The following ASIC5 variants were observed in gnomAD, a reference collection of about 807,000 sequenced individuals.
ASIC5 encodes bile acid-sensitive ion channel.
A neutral mutation model predicts 51.2 loss-of-function variants in ASIC5; 52 were observed. That is an observed-to-expected ratio of 1.02 (90% CI 0.81 to 1.28). ASIC5 has a LOEUF of 1.28. Among genes scored for constraint, ASIC5 ranks in the 50% most tolerant of loss-of-function variants. The pLI is 0.00. For synonymous variants in ASIC5, 231 were observed against 200.7 expected (o/e 1.15, Z -1.28); for missense variants, 635 against 595.0 (o/e 1.07, Z -0.70).
chr4:155,845,082 C>T (rs1395757899), intron 4 of ASIC5, among the ~76,000 whole-genome samples: 2 of 151,638 alleles, frequency 1.3e-5, no homozygotes, highest in African/African-American at 2.4e-5. Flanking sequence ...GGAAAGAAAA[C>T]AGCAATCAAG....
chr4:155,849,539 AT>A (rs2111250302), intron 4 of ASIC5, among the ~76,000 whole-genome samples: 1 of 152,204 alleles, frequency 6.6e-6, no homozygotes, highest in East Asian at 1.9e-4. Flanking sequence ...GTCCTAATTA[AT>A]CCTTTAGTTA....
intron 6 of ASIC5, among the ~76,000 whole-genome samples, chr4:155,839,538 C>T (rs1741070062): frequency 6.6e-6 from 1 of 152,230 alleles, no homozygotes; most frequent in South Asian, 2.1e-4. Context: ...AAGACTTAGT[C>T]TTTTAGCCTT....
intron 4 of ASIC5, 136 bp downstream of exon 4, chr4:155,852,055 G>T (rs113630202): frequency 1.0e-6 from 1 of 976,654 alleles, no homozygotes; most frequent in East Asian, 2.8e-5. Context: ...AAATCCATAG[G>T]AGTCTAGACT....
chr4:155,861,327 C>T (rs1741700472), intron 2 of ASIC5, among the ~76,000 whole-genome samples: 1 of 151,882 alleles, frequency 6.6e-6, no homozygotes, highest in African/African-American at 2.4e-5. Flanking sequence ...TATTCTCTGT[C>T]AAGTTGTTCT....
rs140366498 is a variant in ASIC5, at chr4:155,854,025, C to G, written c.585+52G>C. The stretch of plus-strand genomic sequence containing the variant: ...CGTGGGAGCTCAATGTGAAACAGTG[C>G]AGTAACGGAACTTATTACTTTGATT... On this transcript the variant is annotated intron_variant, in intron 3 of 9. Transcript: ENST00000537611. 10 of 1,334,418 alleles carry G rather than the reference C, an allele frequency of 7.5e-6. No homozygotes were observed. The East Asian group carries it at 2.3e-4, about 31-fold the overall frequency. The allele number at this position is 1,334,418 out of a possible 1,614,324, so 82.7% of individuals were successfully genotyped here. A position where few individuals can be genotyped will look rare whatever the true frequency, so the allele number is the denominator to read the frequency against.
chr4:155,852,062 G>T, intron 4 of ASIC5, 129 bp downstream of exon 4: 4 of 1,104,242 alleles, frequency 3.6e-6, no homozygotes, highest in Non-Finnish European at 5.2e-6. Flanking sequence ...TAGGAGTCTA[G>T]ACTAAATTAA....
intron 6 of ASIC5, among the ~76,000 whole-genome samples, chr4:155,840,978 G>T (rs1741105210): frequency 6.6e-6 from 1 of 151,750 alleles, no homozygotes; most frequent in African/African-American, 2.4e-5. Flanking sequence ...AACTCCACAT[G>T]ATTTCATCTC....
chr4:155,846,815 G>A (rs191251337), intron 4 of ASIC5, among the ~76,000 whole-genome samples: 4 of 151,568 alleles, frequency 2.6e-5, no homozygotes, highest in African/African-American at 9.7e-5. Context: ...CATTATGTGG[G>A]TATTTTCCAA....
chr4:155,835,429 A>G (rs1009380473), intron 8 of ASIC5, among the ~76,000 whole-genome samples: 1 of 149,174 alleles, frequency 6.7e-6, no homozygotes. Context: ...AAAAAAAAAG[A>G]AAAAAAAACA....
intron 8 of ASIC5, among the ~76,000 whole-genome samples, chr4:155,836,382 C>T (rs1314713945): frequency 2.0e-5 from 3 of 152,132 alleles, no homozygotes; most frequent in African/African-American, 4.8e-5. Context: ...AGGAAATTTT[C>T]ATATTTTAAG....
chr4:155,831,971 T>C, intron 8 of ASIC5, 56 bp from the exon 9 acceptor site: 1 of 912,764 alleles, frequency 1.1e-6, no homozygotes, highest in Non-Finnish European at 1.7e-6. Context: ...TACTTTTAAT[T>C]CCCGTCGAAT....
chr4:155,860,282 T>C (rs1327720052), intron 2 of ASIC5, among the ~76,000 whole-genome samples: 1 of 151,896 alleles, frequency 6.6e-6, no homozygotes, highest in East Asian at 1.9e-4. Flanking sequence ...TAATATAATT[T>C]GATATAAAAT....
chr4:155,863,432 A>T lies in ASIC5; in HGVS notation c.347+16T>A, dbSNP rs77591504. 0.035 allele frequency: 55,571 copies of T among 1,585,506 alleles called. 1,199 individuals are homozygous for T. The highest frequency in any genetic ancestry group is 0.063 in the South Asian group (5,535 of 88,194). On this transcript the variant is annotated intron_variant, in intron 2 of 9. Coordinates refer to ENST00000537611, the MANE Select transcript of ASIC5 (RefSeq NM_017419.3). ...AATTTATAGGAACTAATTATTTTTAAAAAAGTAATTTTTACCTGTTCAAAT... is the reference window on the plus strand; with the variant it reads ...AATTTATAGGAACTAATTATTTTTATAAAAGTAATTTTTACCTGTTCAAAT...
At chr4:155,835,468 C>A (rs1740958348) in intron 8 of ASIC5, among the ~76,000 whole-genome samples, 1 of 150,948 alleles carries the variant, frequency 6.6e-6, no homozygotes, top group South Asian at 2.1e-4. Context: ...TTGTTTCATA[C>A]ATGGCTTTCT....
At chr4:155,855,218 G>T (rs1741502028) in intron 2 of ASIC5, 1 of 151,822 alleles carries the variant, frequency 6.6e-6, no homozygotes, top group African/African-American at 2.4e-5. Flanking sequence ...TCTGACTTAA[G>T]TTTCCTCTCT....
intron 8 of ASIC5, among the ~76,000 whole-genome samples, chr4:155,836,050 G>T (rs1018057965): frequency 6.6e-6 from 1 of 152,112 alleles, no homozygotes; most frequent in Non-Finnish European, 1.5e-5. Context: ...TGCTAATGTT[G>T]CTTCCCTGTT....
At chr4:155,835,405 A>C (rs1227167563) in intron 8 of ASIC5, among the ~76,000 whole-genome samples, 1 of 74,960 alleles carries the variant, frequency 1.3e-5, no homozygotes, top group Non-Finnish European at 2.6e-5. Flanking sequence ...GAATAATCTG[A>C]GTTTTGGAAA....
chr4:155,853,554 TATATATAATATATACTA>T (rs1741438968), intron 3 of ASIC5, among the ~76,000 whole-genome samples: 2 of 141,332 alleles, frequency 1.4e-5, no homozygotes, highest in African/African-American at 2.6e-5. Flanking sequence ...GAATGTTTAT[TATATATAATATATACTA>T]GTTATTATAT....
At chr4:155,836,036 GA>G (rs1435195824) in intron 8 of ASIC5, among the ~76,000 whole-genome samples, 1 of 152,184 alleles carries the variant, frequency 6.6e-6, no homozygotes, top group Non-Finnish European at 1.5e-5. Context: ...GAAACAAAGA[GA>G]AATGCTAATG....
Sources: allele counts gnomAD v4.1 joint callset (sites outside exome capture counted in the v4.1 genomes callset), GRCh38; gene constraint gnomAD v4.1.1; transcripts MANE v1.5; gene names NCBI Gene and HGNC (gene_info 2026-07-23, HGNC 2026-07-21).